PCSK5: variants seen among roughly 807,000 people sequenced by gnomAD.
PCSK5 encodes prohormone convertase 5.
In PCSK5, 129 loss-of-function variants were observed where a neutral mutation model predicts 233.2. The ratio of observed to expected loss-of-function variants is 0.55; its 90% CI spans 0.48 to 0.64. The LOEUF (loss-of-function observed/expected upper bound fraction) is 0.64, where lower values mean the gene tolerates loss of function less well. PCSK5 is among the 30% of genes least tolerant of loss of function. The probability of loss-of-function intolerance (pLI) is 0.00; values close to 1 mark genes in which losing one functional copy is unlikely to be tolerated. For synonymous variants in PCSK5, 825 were observed against 879.2 expected, an observed-to-expected ratio of 0.94 and a Z score of 1.09; for missense variants, 2,076 against 2,430.1, an observed-to-expected ratio of 0.85 and a Z score of 3.06.
At chr9:76,028,642 G>A (rs896714468) in intron 5 of PCSK5, among the ~76,000 whole-genome samples, 1 of 152,176 alleles carries the variant, frequency 6.6e-6, no homozygotes, top group African/African-American at 2.4e-5. Context: ...CAGCAGTGAT[G>A]TTATCCCCAG....
intron 12 of PCSK5, among the ~76,000 whole-genome samples, chr9:76,162,811 T>TG (rs1554696862): frequency 6.6e-6 from 1 of 152,170 alleles, no homozygotes; most frequent in Non-Finnish European, 1.5e-5. Flanking sequence ...CCTACCCCTC[T>TG]GGGGGTAGGG....
chr9:76,143,728 C>CTT (rs11382449), intron 10 of PCSK5, among the ~76,000 whole-genome samples: 110 of 142,004 alleles, frequency 7.7e-4, no homozygotes, highest in East Asian at 2.1e-3. Flanking sequence ...CTACATCCCA[C>CTT]TTTTTTTTTT....
rs376004320 is a variant in PCSK5, at chr9:76,187,971, A to C, written c.2283-607A>C. Among the ~76,000 whole-genome samples, 6 of 152,330 alleles carry C rather than the reference A, an allele frequency of 3.9e-5. No homozygotes were observed. The East Asian group carries it at 5.8e-4, about 15-fold the overall frequency. On this transcript the variant is annotated intron_variant, in intron 17 of 37. Coordinates refer to ENST00000674117, the MANE Select transcript of PCSK5 (RefSeq NM_001372043.1). ...TTTTTCATTAGAGTGTTTAAAATGA[A>C]TAAATCAAGAAATAGAGGCAAAAGT...
intron 1 of PCSK5, among the ~76,000 whole-genome samples, chr9:75,928,793 T>A (rs1823638545): frequency 6.6e-6 from 1 of 151,486 alleles, no homozygotes; most frequent in African/African-American, 2.4e-5. Context: ...GAAGAGTTGG[T>A]ACTGCAATTA....
chr9:76,214,167 G>A (rs985039659), intron 20 of PCSK5, among the ~76,000 whole-genome samples: 1 of 152,086 alleles, frequency 6.6e-6, no homozygotes, highest in Non-Finnish European at 1.5e-5. Context: ...ATCCCACAAA[G>A]GGTAGAAAGT....
intron 2 of PCSK5, among the ~76,000 whole-genome samples, chr9:75,946,834 C>T (rs976744205): frequency 1.3e-5 from 2 of 152,130 alleles, no homozygotes; most frequent in African/African-American, 4.8e-5. Flanking sequence ...GTGATCCACC[C>T]ACCTCGGCCT....
intron 1 of PCSK5, among the ~76,000 whole-genome samples, chr9:75,894,724 G>T (rs1825740994): frequency 6.6e-6 from 1 of 152,146 alleles, no homozygotes; most frequent in Non-Finnish European, 1.5e-5. Flanking sequence ...CACCTTCTGA[G>T]CTGGCCGAGG....
At chr9:76,110,214 G>A (rs953023480) in intron 9 of PCSK5, among the ~76,000 whole-genome samples, 6 of 150,598 alleles carry the variant, frequency 4.0e-5, no homozygotes, top group African/African-American at 1.2e-4. Context: ...TGCCCTACTC[G>A]CTGGGTATGC....
intron 5 of PCSK5, among the ~76,000 whole-genome samples, chr9:76,054,358 C>A (rs1284112348): frequency 1.3e-5 from 2 of 152,188 alleles, no homozygotes; most frequent in Non-Finnish European, 2.9e-5. Context: ...ATAAACCAAG[C>A]TACTTATTCC....
intron 2 of PCSK5, among the ~76,000 whole-genome samples, chr9:75,981,846 A>G (rs933498127): frequency 2.0e-5 from 3 of 152,184 alleles, no homozygotes; most frequent in Non-Finnish European, 4.4e-5. Flanking sequence ...TATAGGTGTG[A>G]GCCATTGGGC....
rs190796640 is a variant in PCSK5, at chr9:76,151,048, C to T, written c.1313-5997C>T. 5.5e-3 allele frequency among the ~76,000 whole-genome samples: 825 copies of T among 150,572 alleles called. 4 individuals are homozygous for T. Among genetic ancestry groups the T allele is most frequent in the Non-Finnish European group, 7.2e-3 (491 of 67,802 alleles). ...ACTATACTTAGGTGTTTACATTATG[C>T]GTGTGGGACGTGGCAACTTGGGAAA... On this transcript the variant is annotated intron_variant, in intron 10 of 37. Transcript: ENST00000674117.
chr9:76,027,210 C>T (rs192347430), intron 5 of PCSK5, among the ~76,000 whole-genome samples, 173 bp downstream of exon 5: 2 of 152,098 alleles, frequency 1.3e-5, no homozygotes, highest in East Asian at 1.9e-4. Flanking sequence ...AAGGGGTGGT[C>T]CATATAGAAA....
At chr9:76,348,407 T>C (rs1165434901) in intron 35 of PCSK5, among the ~76,000 whole-genome samples, 1 of 152,032 alleles carries the variant, frequency 6.6e-6, no homozygotes, top group East Asian at 1.9e-4. Context: ...CAAGACTCTG[T>C]CTAAAAACAA....
At chr9:76,237,428 C>A (rs1216280120) in intron 22 of PCSK5, among the ~76,000 whole-genome samples, 1 of 152,020 alleles carries the variant, frequency 6.6e-6, no homozygotes, top group Admixed American at 6.6e-5. Context: ...TCACAATTAG[C>A]AAAATAGGTA....
In PCSK5 at chr9:76,159,184, T is replaced by C. The variant is rs1564069524; in HGVS notation, c.1619+13T>C. ...TTTTGGCCAACAGGTACAGCAGTGGTCTCTGCCCACCAGTGTAGTAGTCAC... is the reference window on the plus strand; with the variant it reads ...TTTTGGCCAACAGGTACAGCAGTGGCCTCTGCCCACCAGTGTAGTAGTCAC... On this transcript the variant is annotated intron_variant, in intron 12 of 37. Coordinates refer to ENST00000674117, the MANE Select transcript of PCSK5 (RefSeq NM_001372043.1). The C allele has an allele frequency of 6.2e-7, 1 of 1,612,940 alleles. No individual in the cohort carries two copies. The highest frequency in any genetic ancestry group is 1.1e-5 in the South Asian group (1 of 90,972).
At chr9:76,278,823 C>T (rs961166863) in intron 24 of PCSK5, among the ~76,000 whole-genome samples, 1 of 152,130 alleles carries the variant, frequency 6.6e-6, no homozygotes, top group African/African-American at 2.4e-5. Flanking sequence ...TCTTGAGAAA[C>T]AAAATTTCAA....
chr9:76,211,008 C>A (rs1217260788), intron 20 of PCSK5, among the ~76,000 whole-genome samples: 1 of 152,082 alleles, frequency 6.6e-6, no homozygotes, highest in East Asian at 1.9e-4. Flanking sequence ...CAGTGCTGGG[C>A]TAAAGTGGTA....
intron 7 of PCSK5, among the ~76,000 whole-genome samples, chr9:76,080,826 C>T (rs1486192703): frequency 2.6e-5 from 4 of 152,132 alleles, no homozygotes; most frequent in Admixed American, 6.5e-5. Context: ...TCTCTAAATA[C>T]GTTATGAATC....
At chr9:76,228,084 C>T (rs1825956838) in intron 21 of PCSK5, among the ~76,000 whole-genome samples, 1 of 151,928 alleles carries the variant, frequency 6.6e-6, no homozygotes, top group Non-Finnish European at 1.5e-5. Flanking sequence ...ATTCTCCTGC[C>T]TGAGCCTCCC....
Sources: gnomAD v4.1 joint callset for allele counts (sites outside exome capture counted in the v4.1 genomes callset) on GRCh38, gnomAD v4.1.1 for gene constraint, MANE v1.5 for transcripts, NCBI Gene and HGNC (gene_info 2026-07-23, HGNC 2026-07-21) for gene names.